HMGXB4: variants seen among roughly 807,000 people sequenced by gnomAD.
HMGXB4 encodes HMG domain-containing protein 4.
A neutral mutation model predicts 63.9 loss-of-function variants in HMGXB4; 27 were observed. The ratio of observed to expected loss-of-function variants is 0.42; its 90% CI spans 0.31 to 0.58. The LOEUF (loss-of-function observed/expected upper bound fraction) is 0.58, where lower values mean the gene tolerates loss of function less well. Among genes scored for constraint, HMGXB4 ranks in the 20% least tolerant of loss-of-function variants. The pLI is 0.13. For synonymous variants in HMGXB4, 264 were observed against 265.3 expected, an observed-to-expected ratio of 0.99 and a Z score of 0.05; for missense variants, 624 against 700.7, an observed-to-expected ratio of 0.89 and a Z score of 1.24.
intron 5 of HMGXB4, among the ~76,000 whole-genome samples, chr22:35,274,063 A>G (rs528956544): frequency 5.3e-5 from 8 of 152,350 alleles, no homozygotes; most frequent in African/African-American, 7.2e-5. Flanking sequence ...AGATGAAGAT[A>G]CAGTGTCTGC....
chr22:35,261,518 C>G (rs1053335555), intron 1 of HMGXB4, among the ~76,000 whole-genome samples: 3 of 151,212 alleles, frequency 2.0e-5, no homozygotes, highest in African/African-American at 7.3e-5. Flanking sequence ...CATATAAACT[C>G]AAATGCCAAA....
chr22:35,246,996 C>G, the HMGXB4 span, among the ~76,000 whole-genome samples: 2 of 152,146 alleles, frequency 1.3e-5, no homozygotes, highest in Non-Finnish European at 2.9e-5. Context: ...TTGTCCTTGT[C>G]TTCTAATTCT....
chr22:35,282,454 C>T (rs1288995973), intron 5 of HMGXB4, among the ~76,000 whole-genome samples: 3 of 152,152 alleles, frequency 2.0e-5, no homozygotes, highest in African/African-American at 7.2e-5. Flanking sequence ...AGCTACCCCA[C>T]CCGGCCACAT....
chr22:35,254,473 C>T (rs1223032414), upstream of HMGXB4, among the ~76,000 whole-genome samples: 1 of 152,202 alleles, frequency 6.6e-6, no homozygotes, highest in Admixed American at 6.5e-5. Context: ...GAGCTAGCTC[C>T]GGTGTGCACC....
chr22:35,292,628 G>A (rs1169944423), intron 9 of HMGXB4, among the ~76,000 whole-genome samples: 2 of 152,178 alleles, frequency 1.3e-5, no homozygotes, highest in African/African-American at 4.8e-5. Context: ...AGCTATATTT[G>A]TCGAGTTTAT....
In HMGXB4 at chr22:35,268,506, C is replaced by T. The variant is rs531313930; in HGVS notation, c.1215+2903C>T. Among the ~76,000 whole-genome samples, 117 of 152,052 alleles carry T rather than the reference C, an allele frequency of 7.7e-4. 1 individual carries two copies. Among genetic ancestry groups the T allele is most frequent in the Admixed American group, 2.0e-3 (31 of 15,254 alleles). On this transcript the variant is annotated intron_variant, in intron 5 of 10. Transcript: ENST00000216106. ...TCTCACACATTGATGCTAGAGTAAT[C>T]TTAATCTTAAGTAGCACCTTGATGA...
At chr22:35,248,438 G>A in the HMGXB4 span, among the ~76,000 whole-genome samples, 17 of 138,602 alleles carry the variant, frequency 1.2e-4, no homozygotes, top group East Asian at 2.5e-3. Flanking sequence ...ATGGAGTCTC[G>A]CTCCGTCACC....
At position 35,294,818 on chromosome 22, in the gene HMGXB4, C is replaced by G. The variant is rs1330616496; in HGVS notation, c.*1167C>G. The G allele has an allele frequency of 6.6e-6, 1 of 152,028 alleles. No homozygotes were observed. The highest frequency in any genetic ancestry group is 1.5e-5 in the Non-Finnish European group (1 of 68,000). The allele number at this position is 152,028 out of a possible 1,614,324, so 9.4% of individuals were successfully genotyped here. A position where few individuals can be genotyped will look rare whatever the true frequency, so the allele number is the denominator to read the frequency against. On this transcript the variant is annotated 3_prime_UTR_variant, in exon 11 of 11. Transcript: ENST00000216106. Reference sequence around the variant, plus strand: ...CCTCCCTTCTTTCCTTCCTTCCTTCCCTGTTTCCTTCCCTCTTTCCTTCCT... The same window carrying G: ...CCTCCCTTCTTTCCTTCCTTCCTTCGCTGTTTCCTTCCCTCTTTCCTTCCT...
At chr22:35,265,710 G>A in intron 5 of HMGXB4, 107 bp downstream of exon 5, 1 of 1,387,392 alleles carries the variant, frequency 7.2e-7, no homozygotes, top group Non-Finnish European at 9.5e-7. Context: ...TGGGAATTAA[G>A]CATGTTTGGG....
the HMGXB4 span, among the ~76,000 whole-genome samples, chr22:35,243,138 A>G: frequency 6.6e-6 from 1 of 152,182 alleles, no homozygotes; most frequent in African/African-American, 2.4e-5. Flanking sequence ...TGGGATGCCA[A>G]GGCGGGTGGA....
At position 35,295,020 on chromosome 22, in the gene HMGXB4, G is replaced by C. The variant is rs1925179991; in HGVS notation, c.*1369G>C. On this transcript the variant is annotated 3_prime_UTR_variant, in exon 11 of 11. Coordinates refer to ENST00000216106, the MANE Select transcript of HMGXB4 (RefSeq NM_001003681.3). ...ATCCCCAGCTGCCCTTATTTCCAGA[G>C]AACCAGACGTTTGTTTCCCAGTTGG... is the stretch of plus-strand genomic sequence containing the variant. The C allele has an allele frequency of 6.6e-6, 1 of 152,206 alleles. No homozygotes were observed. Among genetic ancestry groups the C allele is most frequent in the Non-Finnish European group, 1.5e-5 (1 of 68,048 alleles). 9.4% of individuals were successfully genotyped at this position (152,206 alleles called of 1,614,324 possible).
chr22:35,280,036 G>T (rs947458293), intron 5 of HMGXB4, among the ~76,000 whole-genome samples: 3 of 152,196 alleles, frequency 2.0e-5, no homozygotes, highest in African/African-American at 7.2e-5. Context: ...TGGGCTTGTT[G>T]TCTCTTTTTT....
rs769397327 is a variant in HMGXB4 at position 35,286,072 on chromosome 22, T to C, written c.1362+11T>C. 2 of 1,589,764 alleles carry C rather than the reference T, an allele frequency of 1.3e-6. No homozygotes were observed. Among genetic ancestry groups the C allele is most frequent in the East Asian group, 4.5e-5 (2 of 44,722 alleles). On this transcript the variant is annotated intron_variant, in intron 7 of 10. Transcript: ENST00000216106. Reference sequence around the variant, plus strand: ...GAAAAAGACAAACTGGTAAGTACATTTTCTTACAAACATATTTTTCAGTGC... The same window carrying C: ...GAAAAAGACAAACTGGTAAGTACATCTTCTTACAAACATATTTTTCAGTGC...
chr22:35,278,264 G>A (rs979041993), intron 5 of HMGXB4, among the ~76,000 whole-genome samples: 7 of 152,046 alleles, frequency 4.6e-5, no homozygotes, highest in African/African-American at 1.2e-4. Context: ...ATTGTAAGAC[G>A]TCTTGGTTGC....
At position 35,270,862 on chromosome 22, in the gene HMGXB4, G is replaced by A. The variant is rs111501853; in HGVS notation, c.1215+5259G>A. 7.8e-3 allele frequency among the ~76,000 whole-genome samples: 1,189 copies of A among 152,278 alleles called. 10 individuals are homozygous for A. The highest frequency in any genetic ancestry group is 0.028 in the African/African-American group (1,145 of 41,546). ...TATTTCTCCAACAAATATTTATAGT[G>A]TATATACTGTGGTTTTTAAACCTGA... On this transcript the variant is annotated intron_variant, in intron 5 of 10. Transcript: ENST00000216106.
At chr22:35,242,530 GCTCTCTCTCT>G in the HMGXB4 span, among the ~76,000 whole-genome samples, 4 of 146,066 alleles carry the variant, frequency 2.7e-5, no homozygotes, top group East Asian at 2.0e-4. Context: ...ATAGTAATCT[GCTCTCTCTCT>G]CTCTCTCTCT....
rs574712217 is a variant in HMGXB4 at position 35,294,151 on chromosome 22, G to C, written c.*500G>C. ...AGCCTTTCAATTTGAAGTGACCTAG[G>C]TGGGAGGTGATAAAATTTGTTCCCT... On this transcript the variant is annotated 3_prime_UTR_variant, in exon 11 of 11. Transcript: ENST00000216106. 2 of 152,950 alleles carry C rather than the reference G, an allele frequency of 1.3e-5. No homozygotes were observed. The highest frequency in any genetic ancestry group is 4.1e-4 in the South Asian group (2 of 4,832). 9.5% of individuals were successfully genotyped at this position (152,950 alleles called of 1,614,324 possible).
In HMGXB4 at chr22:35,265,334, A is replaced by C. The variant is rs148970891; in HGVS notation, c.946A>C (p.Ile316Leu). Residue 316 changes from isoleucine to leucine, a missense_variant, in exon 5 of 11, where the codon ATC becomes CTC. Ile to Leu is a conservative substitution (Grantham distance 5). Transcript: ENST00000216106. ...ELVIDDSYRE[I>L]KKKKKSKKSK... ...AGTGATAGATGATTCTTACCGAGAA[A>C]TCAAGAAGAAAAAGAAGTCAAAGAA... 4 of 1,613,970 alleles carry C rather than the reference A, an allele frequency of 2.5e-6. No individual in the cohort carries two copies. Among genetic ancestry groups the C allele is most frequent in the African/African-American group, 2.7e-5 (2 of 74,922 alleles).
At chr22:35,287,246 A>G in intron 7 of HMGXB4, 101 bp from the exon 8 acceptor site, 4 of 924,976 alleles carry the variant, frequency 4.3e-6, no homozygotes, top group Non-Finnish European at 6.8e-6. Flanking sequence ...CCCGCCTCTT[A>G]CTATTGCCTT....
Sources: gnomAD v4.1 joint callset for allele counts (sites outside exome capture counted in the v4.1 genomes callset) on GRCh38, gnomAD v4.1.1 for gene constraint, MANE v1.5 for transcripts, NCBI Gene and HGNC (gene_info 2026-07-23, HGNC 2026-07-21) for gene names.